MROH2B: variants seen among roughly 807,000 people sequenced by gnomAD.
The protein encoded by MROH2B is maestro heat like repeat family member 2B.
A neutral mutation model predicts 208.6 loss-of-function variants in MROH2B; 177 were observed. That is an observed-to-expected ratio of 0.85 (90% confidence interval 0.75 to 0.96). The LOEUF (loss-of-function observed/expected upper bound fraction) is 0.96, where lower values mean the gene tolerates loss of function less well. Ranked by LOEUF, MROH2B falls within the 40% of genes least tolerant of loss-of-function variation. MROH2B has a pLI of 0.00. For synonymous variants in MROH2B, 728 were observed against 659.0 expected, an observed-to-expected ratio of 1.10 and a Z score of -1.60; for missense variants, 2,002 against 1,878.7, an observed-to-expected ratio of 1.07 and a Z score of -1.21.
chr5:41,054,896 C>G (rs1743396764), intron 10 of MROH2B, 56 bp from the exon 11 acceptor site: 1 of 1,230,054 alleles, frequency 8.1e-7, no homozygotes, highest in Non-Finnish European at 1.2e-6. Context: ...ACAGTATGTT[C>G]TAGGATTGAT....
At chr5:41,062,012 G>A (rs1345800) in intron 5 of MROH2B, among the ~76,000 whole-genome samples, 43,046 of 151,872 alleles carry the variant, frequency 0.28, 7,124 homozygotes, top group Non-Finnish European at 0.38. Flanking sequence ...GTAGAAGGGC[G>A]AATTGGTTCA....
chr5:41,023,490 GA>G (rs1231291183), intron 24 of MROH2B, among the ~76,000 whole-genome samples: 1 of 152,100 alleles, frequency 6.6e-6, no homozygotes, highest in East Asian at 1.9e-4. Context: ...AAAGTTTAGA[GA>G]AAAAAGAGTA....
intron 6 of MROH2B, among the ~76,000 whole-genome samples, chr5:41,059,203 C>T (rs2150180506): frequency 6.6e-6 from 1 of 152,186 alleles, no homozygotes; most frequent in South Asian, 2.1e-4. Flanking sequence ...ACCTCCCATT[C>T]ACCTCTCAAT....
intron 21 of MROH2B, 118 bp from the exon 22 acceptor site, chr5:41,033,982 C>T (rs1488890389): frequency 2.0e-6 from 3 of 1,476,248 alleles, no homozygotes; most frequent in East Asian, 5.2e-5. Flanking sequence ...GGAGGTAGAG[C>T]CTTGCCAAGG....
chr5:41,002,191 T>C (rs1477587599), intron 37 of MROH2B, among the ~76,000 whole-genome samples: 2 of 152,072 alleles, frequency 1.3e-5, no homozygotes, highest in African/African-American at 4.8e-5. Flanking sequence ...TTTTGCAAAA[T>C]CAATGAGCTA....
intron 35 of MROH2B, 34 bp from the exon 36 acceptor site, chr5:41,004,954 A>C (rs758810244): frequency 6.2e-7 from 1 of 1,607,850 alleles, no homozygotes; most frequent in Non-Finnish European, 8.5e-7. Flanking sequence ...CCGTTTAGTT[A>C]AGGGCGTGGC....
intron 14 of MROH2B, 69 bp from the exon 15 acceptor site, chr5:41,049,210 G>T: frequency 6.2e-7 from 1 of 1,608,270 alleles, no homozygotes; most frequent in Non-Finnish European, 8.5e-7. Flanking sequence ...TAAGGTCAAA[G>T]CACTGTAGCC....
At chr5:41,050,394 G>GTCCA (rs999481919) in intron 13 of MROH2B, among the ~76,000 whole-genome samples, 1 of 152,114 alleles carries the variant, frequency 6.6e-6, no homozygotes, top group Non-Finnish European at 1.5e-5. Context: ...TGGTCTCTAT[G>GTCCA]TCCAGTTTTG....
In MROH2B at chr5:41,042,091, C is replaced by A. The variant is rs777730025; in HGVS notation, c.1953+1G>T. ...AGGAAATTGAGAGCAAGGGGTCCCA[C>A]CTGTCTTTGATCCCCCAGTTGGTTG... On this transcript the variant is annotated splice_donor_variant, in intron 19 of 41. Coordinates refer to ENST00000399564, the MANE Select transcript of MROH2B (RefSeq NM_173489.5). LOFTEE classifies it high-confidence loss of function. 3 of 1,559,662 alleles carry A rather than the reference C, an allele frequency of 1.9e-6. No homozygotes were observed. The East Asian group carries it at 6.9e-5, about 36-fold the overall frequency.
intron 33 of MROH2B, 43 bp from the exon 34 acceptor site, chr5:41,007,497 T>G: frequency 4.2e-6 from 6 of 1,430,086 alleles, no homozygotes; most frequent in East Asian, 2.6e-5. Context: ...TTGACCCTTA[T>G]AGGGAATTGC....
intron 40 of MROH2B, among the ~76,000 whole-genome samples, chr5:40,999,317 G>A (rs896117): frequency 0.27 from 40,783 of 152,024 alleles, 5,658 homozygotes; most frequent in South Asian, 0.38. Context: ...AGCTTTGGAT[G>A]TTGAGTATGG....
chr5:41,000,529 A>T (rs1741362579), intron 38 of MROH2B, 149 bp downstream of exon 38: 3 of 1,318,406 alleles, frequency 2.3e-6, no homozygotes, highest in Non-Finnish European at 3.1e-6. Flanking sequence ...AGAGATAGTA[A>T]GAAGAACCTA....
rs565903988 is a variant in MROH2B, at chr5:41,054,549, ATCT to A, written c.1107+215_1107+217del. 2.4e-3 allele frequency among the ~76,000 whole-genome samples: 372 copies of A among 152,296 alleles called. 3 individuals carry two copies. Among genetic ancestry groups the A allele is most frequent in the African/African-American group, 8.1e-3 (338 of 41,564 alleles). On this transcript the variant is annotated intron_variant, in intron 11 of 41. Coordinates refer to ENST00000399564, the MANE Select transcript of MROH2B (RefSeq NM_173489.5). The stretch of plus-strand genomic sequence containing the variant: ...CTGCAATTATTTTAAATAAGCAAAA[ATCT>A]TCTTCTTTTCACTGAGACGTCCTTT...
rs1742845881 is a variant in MROH2B, at chr5:41,038,764, A to G, written c.2186T>C (p.Val729Ala). The G allele has an allele frequency of 6.2e-7, 1 of 1,613,204 alleles. No homozygotes were observed. The highest frequency in any genetic ancestry group is 8.5e-7 in the Non-Finnish European group (1 of 1,179,566). Reference protein sequence around the residue: ...SRLNQDIISQVLSLHGQCSQV... With the variant: ...SRLNQDIISQALSLHGQCSQV... ...AGAGCACTGGCCATGAAGAGACAGG[A>G]CTTGGGATATGATATCTTGATTAAG... The change falls in exon 21 of 42, where the codon GTC becomes GCC. Residue 729 changes from valine (V) to alanine (A), a missense_variant. Physicochemically the swap from Val to Ala is moderately conservative, Grantham distance 64. Transcript: ENST00000399564.
At position 41,038,777 on chromosome 5, in the gene MROH2B, T is replaced by C. The variant is rs761066792; in HGVS notation, c.2173A>G (p.Ile725Val). 9.3e-6 allele frequency: 15 copies of C among 1,613,408 alleles called. No homozygotes were observed. Among genetic ancestry groups the C allele is most frequent in the Non-Finnish European group, 1.3e-5 (15 of 1,179,648 alleles). ...TGAAGAGACAGGACTTGGGATATGA[T>C]ATCTTGATTAAGTCTGGAGAGAAGT... The part of the protein sequence containing the change: ...KQLLSRLNQD[I>V]ISQVLSLHGQ... Residue 725 changes from isoleucine to valine, a missense_variant, in exon 21 of 42, where the codon ATC becomes GTC. Transcript: ENST00000399564.
intron 24 of MROH2B, among the ~76,000 whole-genome samples, chr5:41,022,173 A>G (rs548066594): frequency 6.6e-6 from 1 of 152,298 alleles, no homozygotes; most frequent in South Asian, 2.1e-4. Context: ...TACCAGGTAC[A>G]TCTCAATGGG....
chr5:41,001,254 T>C lies in MROH2B; in HGVS notation c.4195-421A>G, dbSNP rs544689850. 1.4e-4 allele frequency among the ~76,000 whole-genome samples: 22 copies of C among 152,268 alleles called. 1 individual carries two copies. In the South Asian group the frequency reaches 4.4e-3, roughly 30 times the overall value. On this transcript the variant is annotated intron_variant, in intron 37 of 41. Transcript: ENST00000399564. Reference sequence around the variant, plus strand: ...TTAATTGTCCAAGGCTTGGTACTATTCTCCATGACACCAAATATTTTCTAA... The same window carrying C: ...TTAATTGTCCAAGGCTTGGTACTATCCTCCATGACACCAAATATTTTCTAA...
Position 41,064,452 on chromosome 5 carries a change from G to A in MROH2B, c.460+20C>T, listed in dbSNP as rs752247915. 6 of 1,603,836 alleles carry A rather than the reference G, an allele frequency of 3.7e-6. No individual in the cohort carries two copies. In the African/African-American group the frequency reaches 8.0e-5, roughly 21 times the overall value. On this transcript the variant is annotated intron_variant, in intron 5 of 41. Transcript: ENST00000399564. ...CACAGCCTGGTTTTTAAGCAAAAAGGAAATCATCGGGATACCCACCAATAC... is the reference window on the plus strand; with the variant it reads ...CACAGCCTGGTTTTTAAGCAAAAAGAAAATCATCGGGATACCCACCAATAC...
rs184226751 is a variant in MROH2B, at chr5:41,054,790, C to T, written c.1084G>A (p.Val362Ile). ...IISIERTVKIVMGDLSTKVRN... is the reference protein window; with the variant it reads ...IISIERTVKIIMGDLSTKVRN... ...ACTTTTGTACTGAGATCACCCATGACGATTTTGACTGTTCTTTCTATTGAA... is the reference window on the plus strand; with the variant it reads ...ACTTTTGTACTGAGATCACCCATGATGATTTTGACTGTTCTTTCTATTGAA... Residue 362 changes from valine (V) to isoleucine (I), a missense_variant, in exon 11 of 42, where the codon GTC (valine) becomes ATC (isoleucine). Transcript: ENST00000399564. 1.1e-4 allele frequency: 177 copies of T among 1,611,358 alleles called. 2 individuals are homozygous for T. In the South Asian group the frequency reaches 1.4e-3, roughly 12 times the overall value.
Sources: gnomAD v4.1 joint callset for allele counts (sites outside exome capture counted in the v4.1 genomes callset) on GRCh38, gnomAD v4.1.1 for gene constraint, MANE v1.5 for transcripts, NCBI Gene and HGNC (gene_info 2026-07-23, HGNC 2026-07-21) for gene names.